The following SAMSN1 variants were observed in gnomAD, a reference collection of about 807,000 sequenced individuals.
SAMSN1 encodes SAM domain, SH3 domain and nuclear localization signals 1.
In SAMSN1, 31 loss-of-function variants were observed where a neutral mutation model predicts 42.0. The observed-to-expected ratio is 0.74, with a 90% CI of 0.55 to 1.00. SAMSN1 has a LOEUF of 1.00. Among genes scored for constraint, SAMSN1 ranks in the 50% least tolerant of loss-of-function variants. SAMSN1 has a pLI of 0.00. For missense variants in SAMSN1, 464 were observed against 439.4 expected (o/e 1.06, Z -0.50); for synonymous variants, 178 against 151.9 (o/e 1.17, Z -1.26).
rs3050614 is a variant in SAMSN1 at position 14,618,656 on chromosome 21, ATGTGTGTGTGTGTG to A, written c.157-2654_157-2641del. The stretch of plus-strand genomic sequence containing the variant: ...TTTATTTTTAGAACCACAGCTGTGT[ATGTGTGTGTGTGTG>A]TGTGTGTGTGTGTGTGTGTGTGCGC... On this transcript the variant is annotated intron_variant, in intron 2 of 15. Transcript: ENST00000647101. Among the ~76,000 whole-genome samples, 332 of 149,152 alleles carry A rather than the reference ATGTGTGTGTGTGTG, an allele frequency of 2.2e-3. 3 individuals carry two copies. The highest frequency in any genetic ancestry group is 0.017 in the South Asian group (80 of 4,714).
chr21:14,545,195 GA>G (rs1980309280), intron 1 of SAMSN1, among the ~76,000 whole-genome samples: 1 of 152,004 alleles, frequency 6.6e-6, no homozygotes, highest in African/African-American at 2.4e-5. Flanking sequence ...GTTTCCTTCA[GA>G]AAAACTTGGA....
chr21:14,603,722 C>T (rs538213469), intron 5 of SAMSN1, among the ~76,000 whole-genome samples: 6 of 152,132 alleles, frequency 3.9e-5, no homozygotes, highest in African/African-American at 1.4e-4. Context: ...ACCATTAGAC[C>T]AATGTTGTAA....
chr21:14,512,686 A>G (rs1987741029), intron 3 of SAMSN1, 113 bp from the exon 4 acceptor site: 1 of 992,936 alleles, frequency 1.0e-6, no homozygotes, highest in Non-Finnish European at 1.5e-6. Flanking sequence ...TTAAGGATAC[A>G]TAAGGATAAA....
intron 1 of SAMSN1, among the ~76,000 whole-genome samples, chr21:14,533,340 A>G (rs1458474137): frequency 1.3e-5 from 2 of 152,208 alleles, no homozygotes; most frequent in Non-Finnish European, 2.9e-5. Context: ...ATGCCATATC[A>G]CTATGTAGAT....
At chr21:14,599,874 T>G (rs113850278) in intron 6 of SAMSN1, among the ~76,000 whole-genome samples, 10 of 152,324 alleles carry the variant, frequency 6.6e-5, no homozygotes, top group African/African-American at 1.9e-4. Flanking sequence ...GTTTTTATTA[T>G]TGTTTCTTTA....
upstream of SAMSN1, chr21:14,583,616 AG>A (rs1265850615): frequency 1.4e-6 from 1 of 713,806 alleles, no homozygotes; most frequent in African/African-American, 1.8e-5. Flanking sequence ...TCTCCCTCAA[AG>A]GAGTTTTAAC....
At position 14,485,773 on chromosome 21, in the gene SAMSN1, A is replaced by T; in HGVS notation, c.*139T>A. 1.6e-6 allele frequency: 1 copy of T among 609,132 alleles called. No homozygotes were observed. Among genetic ancestry groups the T allele is most frequent in the South Asian group, 2.4e-5 (1 of 41,734 alleles). The allele number at this position is 609,132 out of a possible 1,614,324, so 37.7% of individuals were successfully genotyped here. On this transcript the variant is annotated 3_prime_UTR_variant, in exon 8 of 8. Coordinates refer to ENST00000400566, the MANE Select transcript of SAMSN1 (RefSeq NM_022136.5). ...ATGTTAGAGATACAAAATTTTATGTACAATTATTCAGATTAAAACATTTAA... is the reference window on the plus strand; with the variant it reads ...ATGTTAGAGATACAAAATTTTATGTTCAATTATTCAGATTAAAACATTTAA...
intron 1 of SAMSN1, among the ~76,000 whole-genome samples, chr21:14,649,585 C>T (rs1000822956): frequency 1.3e-5 from 2 of 152,000 alleles, no homozygotes; most frequent in Non-Finnish European, 2.9e-5. Context: ...GTCTGAAAAA[C>T]CTGGTTAAAC....
chr21:14,642,048 T>C (rs1194019758), intron 2 of SAMSN1, among the ~76,000 whole-genome samples: 2 of 152,212 alleles, frequency 1.3e-5, no homozygotes, highest in Non-Finnish European at 2.9e-5. Flanking sequence ...AAAATACATT[T>C]ATTATTCAGT....
At chr21:14,525,988 C>G (rs550232121) in intron 1 of SAMSN1, among the ~76,000 whole-genome samples, 13 of 152,098 alleles carry the variant, frequency 8.5e-5, no homozygotes, top group South Asian at 2.1e-4. Flanking sequence ...CCTCAGCCCC[C>G]CCGAGTAGCT....
At chr21:14,491,030 T>C (rs1986662845) in intron 7 of SAMSN1, among the ~76,000 whole-genome samples, 1 of 152,184 alleles carries the variant, frequency 6.6e-6, no homozygotes, top group Non-Finnish European at 1.5e-5. Flanking sequence ...TCAGTTAAAG[T>C]TGTCATATTG....
Position 14,565,696 on chromosome 21 carries a change from A to G in SAMSN1, c.261+16440T>C, listed in dbSNP as rs548707743. Among the ~76,000 whole-genome samples, 42 of 151,684 alleles carry G rather than the reference A, an allele frequency of 2.8e-4. No individual in the cohort carries two copies. The South Asian group carries it at 8.7e-3, about 31-fold the overall frequency. ...AGACTGTGGATCAGAGAGTAGTGTG[A>G]CTGCGGATGTCATCGATTCCAAATT... On this transcript the variant is annotated intron_variant, in intron 2 of 8. Transcript: ENST00000285670.
chr21:14,532,990 T>C (rs1307423134), intron 1 of SAMSN1, among the ~76,000 whole-genome samples: 3 of 152,136 alleles, frequency 2.0e-5, no homozygotes, highest in Non-Finnish European at 2.9e-5. Flanking sequence ...CATAGCTCAC[T>C]GTAACCTTGA....
chr21:14,556,144 A>AT (rs1255838996), intron 2 of SAMSN1, among the ~76,000 whole-genome samples: 1 of 152,122 alleles, frequency 6.6e-6, no homozygotes, highest in African/African-American at 2.4e-5. Flanking sequence ...TTTCCTTTCT[A>AT]TTTTCACTCA....
At chr21:14,621,035 A>C (rs1010184311) in intron 2 of SAMSN1, among the ~76,000 whole-genome samples, 1 of 152,214 alleles carries the variant, frequency 6.6e-6, no homozygotes, top group African/African-American at 2.4e-5. Context: ...CTGAATAAGT[A>C]TGTTTCTGGA....
intron 1 of SAMSN1, among the ~76,000 whole-genome samples, chr21:14,647,277 T>C (rs983996610): frequency 1.3e-5 from 2 of 152,026 alleles, no homozygotes; most frequent in African/African-American, 2.4e-5. Context: ...CTCAGGTTTG[T>C]CAAAGATCAG....
intron 4 of SAMSN1, among the ~76,000 whole-genome samples, chr21:14,611,267 T>C (rs1982700017): frequency 6.6e-6 from 1 of 152,240 alleles, no homozygotes; most frequent in Non-Finnish European, 1.5e-5. Flanking sequence ...GGAATATAAA[T>C]GATTTGCTCA....
At chr21:14,577,880 T>C (rs1568816524) in intron 2 of SAMSN1, among the ~76,000 whole-genome samples, 1 of 152,172 alleles carries the variant, frequency 6.6e-6, no homozygotes, top group African/African-American at 2.4e-5. Flanking sequence ...AATTCCATAA[T>C]CACAAATATT....
At chr21:14,509,241 T>C (rs1987567563) in intron 5 of SAMSN1, among the ~76,000 whole-genome samples, 1 of 152,210 alleles carries the variant, frequency 6.6e-6, no homozygotes, top group Admixed American at 6.5e-5. Flanking sequence ...AATGAATTAA[T>C]GGCATTTGCA....
Sources: gnomAD v4.1 joint callset for allele counts (sites outside exome capture counted in the v4.1 genomes callset) on GRCh38, gnomAD v4.1.1 for gene constraint, MANE v1.5 for transcripts, NCBI Gene and HGNC (gene_info 2026-07-23, HGNC 2026-07-21) for gene names.